RANBP17: variants seen among roughly 807,000 people sequenced by gnomAD.
RANBP17 encodes the protein ran-binding protein 17.
In RANBP17, 158 loss-of-function variants were observed where a neutral mutation model predicts 141.2. That is an observed-to-expected ratio of 1.12 (90% CI 0.98 to 1.28). The LOEUF is 1.28. RANBP17 is among the 50% of genes most tolerant of loss of function. RANBP17 has a pLI of 0.00. For synonymous variants in RANBP17, 430 were observed against 450.0 expected (o/e 0.96, Z 0.56); for missense variants, 1,438 against 1,290.7 (o/e 1.11, Z -1.75).
At chr5:171,013,936 G>T (rs1780253008) in intron 14 of RANBP17, among the ~76,000 whole-genome samples, 2 of 152,042 alleles carry the variant, frequency 1.3e-5, no homozygotes, top group African/African-American at 4.8e-5. Context: ...TGTTGAGGGA[G>T]AAGTCTTAAA....
At chr5:170,951,367 A>C (rs1352916573) in intron 12 of RANBP17, among the ~76,000 whole-genome samples, 1 of 152,180 alleles carries the variant, frequency 6.6e-6, no homozygotes, top group Non-Finnish European at 1.5e-5. Context: ...TGTATCAATA[A>C]AAATAAATAA....
intron 25 of RANBP17, among the ~76,000 whole-genome samples, chr5:171,277,665 A>ATATATATATT (rs1561823588): frequency 7.4e-6 from 1 of 135,166 alleles, no homozygotes; most frequent in Non-Finnish European, 1.6e-5. Flanking sequence ...ATATATATAT[A>ATATATATATT]TATTTATGTC....
chr5:171,268,181 G>A (rs1010298792), intron 25 of RANBP17, among the ~76,000 whole-genome samples: 2 of 152,166 alleles, frequency 1.3e-5, no homozygotes, highest in African/African-American at 4.8e-5. Flanking sequence ...AAAATTTCTT[G>A]CCATGGGACA....
intron 5 of RANBP17, chr5:170,904,574 A>C (rs1331431613): frequency 6.6e-6 from 1 of 152,166 alleles, no homozygotes; most frequent in Admixed American, 6.5e-5. Context: ...ATTAGGAAAT[A>C]TTTTTGTCTA....
At chr5:170,932,550 T>C (rs995534938) in intron 12 of RANBP17, among the ~76,000 whole-genome samples, 1 of 100,442 alleles carries the variant, frequency 1.0e-5, no homozygotes, top group Non-Finnish European at 2.3e-5. Context: ...GGGTTTGTCA[T>C]AAATAGCTCT....
At chr5:170,908,217 T>C (rs1390247417) in intron 5 of RANBP17, among the ~76,000 whole-genome samples, 2 of 151,884 alleles carry the variant, frequency 1.3e-5, no homozygotes, top group East Asian at 1.9e-4. Flanking sequence ...GAACATGCAC[T>C]TACATGTTCA....
intron 24 of RANBP17, chr5:171,252,438 T>TA: frequency 6.6e-7 from 1 of 1,504,280 alleles, no homozygotes. Context: ...TGGAACAAAA[T>TA]ACATCAATTA....
intron 14 of RANBP17, among the ~76,000 whole-genome samples, chr5:171,150,625 T>C (rs1423842792): frequency 2.6e-5 from 4 of 152,226 alleles, no homozygotes; most frequent in Non-Finnish European, 4.4e-5. Flanking sequence ...AAGGTAGATA[T>C]TATTGTCCTC....
intron 3 of RANBP17, among the ~76,000 whole-genome samples, chr5:170,887,706 A>G (rs1384199574): frequency 6.6e-6 from 1 of 152,064 alleles, no homozygotes; most frequent in African/African-American, 2.4e-5. Flanking sequence ...AGAATAGCTG[A>G]GACTGGGTAA....
chr5:171,253,128 A>G (rs2128006093), intron 24 of RANBP17: 1 of 599,968 alleles, frequency 1.7e-6, no homozygotes, highest in Non-Finnish European at 3.0e-6. Context: ...CGATAAAGCA[A>G]AGACGATGGA....
chr5:171,126,627 CAAAAG>C (rs1408745209), intron 14 of RANBP17, among the ~76,000 whole-genome samples: 1 of 151,998 alleles, frequency 6.6e-6, no homozygotes, highest in East Asian at 1.9e-4. Context: ...AATCCAGAAA[CAAAAG>C]AGGAGACATT....
rs199527310 is a variant in RANBP17 at position 171,265,732 on chromosome 5, A to C, written c.2828A>C (p.Tyr943Ser). ...CCTSLDYIVT[Y>S]LFKHIAKEGK... ...ACCAGTTTAGACTACATCGTCACCTACCTCTTCAAGCACATAGCAAAAGAG... is the reference window on the plus strand; with the variant it reads ...ACCAGTTTAGACTACATCGTCACCTCCCTCTTCAAGCACATAGCAAAAGAG... The change falls in exon 25 of 28, where the codon TAC becomes TCC. Residue 943 changes from tyrosine (Y) to serine (S), a missense_variant. Transcript: ENST00000523189. The C allele has an allele frequency of 6.2e-7, 1 of 1,614,018 alleles. No homozygotes were observed. The highest frequency in any genetic ancestry group is 8.5e-7 in the Non-Finnish European group (1 of 1,179,954).
Position 171,170,134 on chromosome 5 carries a change from A to G in RANBP17, c.1715A>G (p.Tyr572Cys), listed in dbSNP as rs1477256456. 1.9e-6 allele frequency: 3 copies of G among 1,558,072 alleles called. No homozygotes were observed. Among genetic ancestry groups the G allele is most frequent in the Non-Finnish European group, 2.6e-6 (3 of 1,142,238 alleles). ...GDQLQRTSKV[Y>C]ARMSEVLGIT... is the part of the protein sequence containing the mutation. ...CAATGAAATGTTTTAATGCAGGTAT[A>G]TGCTCGTATGTCAGAAGTCTTAGGA... The change falls in exon 15 of 28, where the codon TAT (tyrosine) becomes TGT (cysteine). Residue 572 changes from tyrosine to cysteine, a missense_variant. Coordinates refer to ENST00000523189, the MANE Select transcript of RANBP17 (RefSeq NM_022897.5).
In RANBP17 at chr5:171,171,222, T is replaced by C; in HGVS notation, c.1801T>C (p.Tyr601His). ...FMTKIVTNLK[Y>H]WGRYEPVISR... ...CATATTTAGTGTTACAAACCTTAAATACTGGGGAAGATATGAGCCTGTAAT... is the reference window on the plus strand; with the variant it reads ...CATATTTAGTGTTACAAACCTTAAACACTGGGGAAGATATGAGCCTGTAAT... Residue 601 changes from tyrosine (Y) to histidine (H), a missense_variant, in exon 16 of 28, where the codon TAC becomes CAC. Physicochemically the swap from Tyr to His is moderately conservative, Grantham distance 83. Coordinates refer to ENST00000523189, the MANE Select transcript of RANBP17 (RefSeq NM_022897.5). 6.3e-7 allele frequency: 1 copy of C among 1,588,442 alleles called. No homozygotes were observed. The highest frequency in any genetic ancestry group is 8.6e-7 in the Non-Finnish European group (1 of 1,163,298).
intron 18 of RANBP17, among the ~76,000 whole-genome samples, chr5:171,190,324 CA>C (rs1331789938): frequency 2.0e-5 from 3 of 152,004 alleles, no homozygotes; most frequent in Non-Finnish European, 4.4e-5. Context: ...GGCGGCGGGG[CA>C]GGGGGTGGTT....
At chr5:171,109,061 G>C (rs1370252487) in intron 14 of RANBP17, among the ~76,000 whole-genome samples, 1 of 152,158 alleles carries the variant, frequency 6.6e-6, no homozygotes, top group Non-Finnish European at 1.5e-5. Flanking sequence ...AATATGTCTG[G>C]TTACCACAAG....
intron 3 of RANBP17, among the ~76,000 whole-genome samples, chr5:170,884,117 C>G (rs1768952861): frequency 6.6e-6 from 1 of 152,288 alleles, no homozygotes; most frequent in South Asian, 2.1e-4. Context: ...CAGCATTTGC[C>G]ATTTTCTGGA....
chr5:171,120,193 C>T (rs1755929321), intron 14 of RANBP17, among the ~76,000 whole-genome samples: 1 of 152,130 alleles, frequency 6.6e-6, no homozygotes, highest in African/African-American at 2.4e-5. Flanking sequence ...TGCTGAGCCA[C>T]CTGGAACTGG....
chr5:171,252,841 A>T (rs1765659611), intron 24 of RANBP17: 3 of 1,255,172 alleles, frequency 2.4e-6, no homozygotes, highest in African/African-American at 3.0e-5. Context: ...TGTAATAGTT[A>T]AGAGTCATGA....
Sources: gnomAD v4.1 joint callset for allele counts (sites outside exome capture counted in the v4.1 genomes callset) on GRCh38, gnomAD v4.1.1 for gene constraint, MANE v1.5 for transcripts, NCBI Gene and HGNC (gene_info 2026-07-23, HGNC 2026-07-21) for gene names.